TOX: variants seen among roughly 807,000 people sequenced by gnomAD.
The protein encoded by TOX is thymocyte selection associated high mobility group box, also known as thymocyte selection-associated high mobility group box protein TOX.
TOX carries 11 observed loss-of-function variants against 53.7 expected under a neutral mutation model. The ratio of observed to expected loss-of-function variants is 0.20; its 90% CI spans 0.13 to 0.34. TOX has a LOEUF of 0.34. TOX is among the 10% of genes least tolerant of loss of function. The pLI, the probability that TOX is intolerant of heterozygous loss-of-function variation, is 1.00. For missense variants in TOX, 570 were observed against 664.6 expected (o/e 0.86, Z 1.56); for synonymous variants, 225 against 245.3 (o/e 0.92, Z 0.77).
chr8:58,895,015 G>A (rs955007765), intron 3 of TOX, among the ~76,000 whole-genome samples: 17 of 151,858 alleles, frequency 1.1e-4, no homozygotes, highest in African/African-American at 2.2e-4. Flanking sequence ...TGGGGAAACC[G>A]TGTCTCTACT....
intron 3 of TOX, among the ~76,000 whole-genome samples, chr8:58,912,658 C>G: frequency 6.6e-6 from 1 of 152,272 alleles, no homozygotes; most frequent in East Asian, 1.9e-4. Context: ...TGATGCTGCC[C>G]CTCTGTGGGC....
Position 59,054,999 on chromosome 8 carries a change from GA to G in TOX, c.102+63886del, listed in dbSNP as rs1224322190. Among the ~76,000 whole-genome samples the G allele has an allele frequency of 1.4e-3, 212 of 146,450 alleles. 1 individual carries two copies. Among genetic ancestry groups the G allele is most frequent in the African/African-American group, 3.7e-3 (147 of 39,802 alleles). On this transcript the variant is annotated intron_variant, in intron 1 of 8. Coordinates refer to ENST00000361421, the MANE Select transcript of TOX (RefSeq NM_014729.3). Reference sequence around the variant, plus strand: ...GACGGAGGGAGGGAGGGAGGGAAAGGAAAAAAAAAGAGTCAAAGAAAGAAAG... The same window carrying G: ...GACGGAGGGAGGGAGGGAGGGAAAGGAAAAAAAAGAGTCAAAGAAAGAAAG...
chr8:58,841,695 A>T (rs1810645619), intron 4 of TOX, among the ~76,000 whole-genome samples: 1 of 147,306 alleles, frequency 6.8e-6, no homozygotes. Flanking sequence ...GAGGTGACAG[A>T]TAGGTTAATT....
chr8:58,959,663 T>C (rs1812769262), intron 2 of TOX, among the ~76,000 whole-genome samples: 1 of 152,250 alleles, frequency 6.6e-6, no homozygotes, highest in African/African-American at 2.4e-5. Flanking sequence ...AAAGACTTTA[T>C]TTCCTAAAGG....
chr8:58,970,399 T>C (rs144113063), intron 1 of TOX, among the ~76,000 whole-genome samples: 1 of 152,290 alleles, frequency 6.6e-6, no homozygotes, highest in East Asian at 1.9e-4. Flanking sequence ...TTTCTCCCCT[T>C]ATTTACTACT....
At chr8:59,048,834 T>A (rs546098184) in intron 1 of TOX, among the ~76,000 whole-genome samples, 34 of 152,290 alleles carry the variant, frequency 2.2e-4, no homozygotes, top group African/African-American at 7.5e-4. Context: ...TTAAGTTACA[T>A]CATCCATTAA....
chr8:59,022,122 A>C (rs1457215854), intron 1 of TOX, among the ~76,000 whole-genome samples: 1 of 152,236 alleles, frequency 6.6e-6, no homozygotes, highest in African/African-American at 2.4e-5. Context: ...GAAGGTGTTT[A>C]TGAACCATCA....
intron 1 of TOX, among the ~76,000 whole-genome samples, chr8:59,007,641 A>G (rs960668578): frequency 4.6e-5 from 7 of 152,144 alleles, no homozygotes; most frequent in Non-Finnish European, 1.0e-4. Context: ...GCTGTTTCCA[A>G]TCCTTTCTGG....
chr8:58,937,457 T>G (rs191713933), intron 3 of TOX, among the ~76,000 whole-genome samples: 214 of 152,302 alleles, frequency 1.4e-3, no homozygotes, highest in African/African-American at 4.6e-3. Flanking sequence ...TGGCCTATCT[T>G]GTGGCTGTGA....
chr8:59,056,424 C>T (rs1232648628), intron 1 of TOX, among the ~76,000 whole-genome samples: 2 of 110,082 alleles, frequency 1.8e-5, no homozygotes, highest in South Asian at 3.3e-4. Flanking sequence ...AGAGCAAGGC[C>T]CTCTCCGAAA....
At chr8:58,957,716 G>A (rs1812734956) in intron 2 of TOX, among the ~76,000 whole-genome samples, 1 of 152,178 alleles carries the variant, frequency 6.6e-6, no homozygotes, top group Non-Finnish European at 1.5e-5. Context: ...AAATTGAACA[G>A]GAATTATAAT....
chr8:58,978,661 C>T (rs930117481), intron 1 of TOX, among the ~76,000 whole-genome samples: 1 of 152,154 alleles, frequency 6.6e-6, no homozygotes, highest in Admixed American at 6.5e-5. Flanking sequence ...TATCTCCTAT[C>T]TCCACACACA....
intron 1 of TOX, among the ~76,000 whole-genome samples, chr8:59,065,050 T>A (rs1018855742): frequency 2.6e-5 from 4 of 152,124 alleles, no homozygotes; most frequent in Non-Finnish European, 4.4e-5. Flanking sequence ...AGAATAAACT[T>A]CCACAAGCTC....
At chr8:58,829,170 C>G (rs1159089830) in intron 5 of TOX, among the ~76,000 whole-genome samples, 1 of 152,154 alleles carries the variant, frequency 6.6e-6, no homozygotes, top group Non-Finnish European at 1.5e-5. Flanking sequence ...AGTGTGACTA[C>G]GATGCTATCC....
intron 1 of TOX, 42 bp from the exon 2 acceptor site, chr8:58,960,050 C>T (rs776472703): frequency 1.7e-5 from 28 of 1,601,028 alleles, no homozygotes; most frequent in East Asian, 4.5e-5. Context: ...ATCTTGACTG[C>T]GGGTATGTTT....
intron 1 of TOX, among the ~76,000 whole-genome samples, chr8:58,969,164 T>C (rs16924335): frequency 0.085 from 12,926 of 152,254 alleles, 613 homozygotes; most frequent in Middle Eastern, 0.14. Context: ...TATTTTGGTA[T>C]GCTCAGGCAA....
At chr8:59,023,509 C>T (rs1199351095) in intron 1 of TOX, among the ~76,000 whole-genome samples, 3 of 152,142 alleles carry the variant, frequency 2.0e-5, no homozygotes, top group African/African-American at 7.2e-5. Flanking sequence ...CACAACTCAT[C>T]ATAGGAGACT....
chr8:59,089,056 T>C (rs141032005), intron 1 of TOX, among the ~76,000 whole-genome samples: 4 of 152,294 alleles, frequency 2.6e-5, no homozygotes, highest in East Asian at 1.9e-4. Context: ...TAGTTCTCCA[T>C]GACAAATTAG....
intron 1 of TOX, among the ~76,000 whole-genome samples, chr8:58,978,906 A>G (rs1585938549): frequency 6.6e-6 from 1 of 152,228 alleles, no homozygotes; most frequent in African/African-American, 2.4e-5. Context: ...TGTGGACACA[A>G]TTAATGCTAA....
Sources: gnomAD v4.1 joint callset for allele counts (sites outside exome capture counted in the v4.1 genomes callset) on GRCh38, gnomAD v4.1.1 for gene constraint, MANE v1.5 for transcripts, NCBI Gene and HGNC (gene_info 2026-07-23, HGNC 2026-07-21) for gene names.